SOX13: variants seen among roughly 807,000 people sequenced by gnomAD.
SOX13 encodes the protein SRY-box transcription factor 13.
In SOX13, 28 loss-of-function variants were observed where a neutral mutation model predicts 71.8. That is an observed-to-expected ratio of 0.39 (90% CI 0.29 to 0.53). The LOEUF is 0.53. Ranked by LOEUF, SOX13 falls within the 20% of genes least tolerant of loss-of-function variation. The pLI is 0.70. For synonymous variants in SOX13, 309 were observed against 317.8 expected (o/e 0.97, Z 0.29); for missense variants, 627 against 810.3 (o/e 0.77, Z 2.75).
intron 2 of SOX13, among the ~76,000 whole-genome samples, chr1:204,113,726 G>C (rs1049875034): frequency 1.3e-5 from 2 of 152,086 alleles, no homozygotes; most frequent in Admixed American, 1.3e-4. Context: ...AAGGAGGTGG[G>C]GGGTGGGGGC....
Position 204,085,644 on chromosome 1 carries a change from A to G in SOX13, c.-2+11933A>G, listed in dbSNP as rs1420408150. ...AGGTATGGGAGTTCGCTGGTCAAGA[A>G]TGTAGGAATTACAAAAGCAGAAAGT... On this transcript the variant is annotated intron_variant, in intron 1 of 13. Transcript: ENST00000367204. Among the ~76,000 whole-genome samples, 4 of 151,708 alleles carry G rather than the reference A, an allele frequency of 2.6e-5. No homozygotes were observed. In the East Asian group the frequency reaches 5.8e-4, roughly 22 times the overall value.
At chr1:204,090,408 CTTTTTTTTTTTTT>C in intron 1 of SOX13, among the ~76,000 whole-genome samples, 1 of 118,544 alleles carries the variant, frequency 8.4e-6, no homozygotes, top group Admixed American at 8.7e-5. Context: ...TCTTCTTCTT[CTTTTTTTTTTTTT>C]TTTTTGAGAT....
intron 1 of SOX13, among the ~76,000 whole-genome samples, chr1:204,086,652 G>A (rs1656027931): frequency 6.6e-6 from 1 of 152,144 alleles, no homozygotes; most frequent in African/African-American, 2.4e-5. Context: ...ATCATGGGGT[G>A]TTAGAGTCAG....
chr1:204,091,629 G>A (rs1391477547), intron 1 of SOX13, among the ~76,000 whole-genome samples: 1 of 152,160 alleles, frequency 6.6e-6, no homozygotes, highest in East Asian at 1.9e-4. Flanking sequence ...GGAAGGCTGG[G>A]GGCAAGGTGA....
intron 1 of SOX13, among the ~76,000 whole-genome samples, chr1:204,092,993 G>A (rs942891597): frequency 6.6e-5 from 10 of 152,202 alleles, no homozygotes; most frequent in African/African-American, 7.2e-5. Flanking sequence ...AGAATAGTGC[G>A]TGGGAATCTT....
In SOX13 at chr1:204,117,633, C is replaced by A. The variant is rs761155084; in HGVS notation, c.701C>A (p.Pro234Gln). The A allele has an allele frequency of 5.0e-6, 8 of 1,613,688 alleles. No individual in the cohort carries two copies. Among genetic ancestry groups the A allele is most frequent in the African/African-American group, 1.3e-5 (1 of 75,046 alleles). ...TATGTCATGATCCCAGCCTTCCCCC[C>A]AAGCCACCAACCTCTGCCTGTCACC... Reference protein sequence around the residue: ...MPYVMIPAFPPSHQPLPVTPD... With the variant: ...MPYVMIPAFPQSHQPLPVTPD... The change falls in exon 7 of 14, where the codon CCA (proline) becomes CAA (glutamine). Residue 234 changes from proline to glutamine, a missense_variant. Transcript: ENST00000367204.
chr1:204,074,937 CGGCGCTGGCGCT>C (rs561332060), intron 1 of SOX13, among the ~76,000 whole-genome samples: 58 of 152,294 alleles, frequency 3.8e-4, no homozygotes, highest in South Asian at 1.2e-3. Context: ...CAGGACGCCT[CGGCGCTGGCGCT>C]GGCGCTGGCG....
At chr1:204,102,112 T>C (rs1211809898) in intron 1 of SOX13, among the ~76,000 whole-genome samples, 1 of 152,208 alleles carries the variant, frequency 6.6e-6, no homozygotes, top group Non-Finnish European at 1.5e-5. Flanking sequence ...CACCATGTAC[T>C]ATGAGGGCTT....
intron 7 of SOX13, chr1:204,117,932 G>A: frequency 1.8e-6 from 1 of 559,250 alleles, no homozygotes; most frequent in East Asian, 2.9e-5. Context: ...GATGTAAAAT[G>A]ATGTAGCAAT....
Position 204,127,384 on chromosome 1 carries a change from C to G in SOX13, c.*1250C>G, listed in dbSNP as rs1427170553. 2 of 152,446 alleles carry G rather than the reference C, an allele frequency of 1.3e-5. No homozygotes were observed. Among genetic ancestry groups the G allele is most frequent in the African/African-American group, 4.8e-5 (2 of 41,420 alleles). 9.4% of individuals were successfully genotyped at this position (152,446 alleles called of 1,614,324 possible). A position where few individuals can be genotyped will look rare whatever the true frequency, so the allele number is the denominator to read the frequency against. ...CTCACCTGCCTGCCCTCCCCTCCCC[C>G]ACTCTATACTAGGGACTGGATCTCA... is the stretch of plus-strand genomic sequence containing the variant. On this transcript the variant is annotated 3_prime_UTR_variant, in exon 14 of 14. Coordinates refer to ENST00000367204, the MANE Select transcript of SOX13 (RefSeq NM_005686.3).
chr1:204,100,830 T>C (rs1534097), intron 1 of SOX13, among the ~76,000 whole-genome samples: 135,340 of 152,154 alleles, frequency 0.89, 60,505 homozygotes, highest in African/African-American at 0.97. Flanking sequence ...TGAGTGTCAT[T>C]CCACCAAGAA....
intron 1 of SOX13, among the ~76,000 whole-genome samples, chr1:204,111,712 C>T (rs1450411849): frequency 1.3e-5 from 2 of 149,698 alleles, no homozygotes. Flanking sequence ...CCACCCCCGC[C>T]CTTTATTTTT....
At chr1:204,122,766 C>T (rs1571595487) in intron 9 of SOX13, 88 bp from the exon 10 acceptor site, 3 of 790,646 alleles carry the variant, frequency 3.8e-6, no homozygotes. Flanking sequence ...AGTGGCATGG[C>T]GGGAAGCTGA....
At chr1:204,093,139 G>A (rs1306213471) in intron 1 of SOX13, among the ~76,000 whole-genome samples, 1 of 152,152 alleles carries the variant, frequency 6.6e-6, no homozygotes, top group Non-Finnish European at 1.5e-5. Context: ...GAGGTGGACT[G>A]GGGCATGGAC....
At chr1:204,097,344 G>A (rs1656271615) in intron 1 of SOX13, among the ~76,000 whole-genome samples, 1 of 152,258 alleles carries the variant, frequency 6.6e-6, no homozygotes, top group Non-Finnish European at 1.5e-5. Context: ...CCAGTTTTTG[G>A]TAACATGAAA....
At chr1:204,109,787 C>T (rs971760405) in intron 1 of SOX13, among the ~76,000 whole-genome samples, 1 of 152,062 alleles carries the variant, frequency 6.6e-6, no homozygotes, top group Non-Finnish European at 1.5e-5. Context: ...CTATGCACAT[C>T]CTCCCGTATA....
At chr1:204,080,437 T>A (rs1292525142) in intron 1 of SOX13, among the ~76,000 whole-genome samples, 1 of 152,102 alleles carries the variant, frequency 6.6e-6, no homozygotes, top group Non-Finnish European at 1.5e-5. Context: ...CTGGCTCCCC[T>A]CCCGCTCTGG....
intron 1 of SOX13, among the ~76,000 whole-genome samples, chr1:204,089,859 C>T (rs1042592010): frequency 1.3e-5 from 2 of 152,214 alleles, no homozygotes; most frequent in African/African-American, 2.4e-5. Flanking sequence ...TCTCATTCTT[C>T]CCATTTTCCC....
At position 204,117,196 on chromosome 1, in the gene SOX13, C is replaced by T. The variant is rs144279050; in HGVS notation, c.660+6C>T. 0.032 allele frequency: 52,198 copies of T among 1,613,368 alleles called. 1,229 individuals are homozygous for T. Among genetic ancestry groups the T allele is most frequent in the Admixed American group, 0.12 (7,295 of 59,920 alleles). On this transcript the variant is annotated splice_donor_region_variant and intron_variant, in intron 6 of 13. Transcript: ENST00000367204. ...TCCTTCAGCAGCAGATCCAGGTAAC[C>T]GGAGGGGAGACCCGGAGAGGCACAG...
Sources: gnomAD v4.1 joint callset for allele counts (sites outside exome capture counted in the v4.1 genomes callset) on GRCh38, gnomAD v4.1.1 for gene constraint, MANE v1.5 for transcripts, NCBI Gene and HGNC (gene_info 2026-07-23, HGNC 2026-07-21) for gene names.